The following SEPTIN7 variants were observed in gnomAD, a reference collection of about 807,000 sequenced individuals.
SEPTIN7 encodes septin 7.
Under a neutral mutation model 63.3 loss-of-function variants are expected in SEPTIN7, and 10 were observed. The ratio of observed to expected loss-of-function variants is 0.16; its 90% CI spans 0.10 to 0.27. The LOEUF (loss-of-function observed/expected upper bound fraction) is 0.27. Among genes scored for constraint, SEPTIN7 ranks in the 10% least tolerant of loss-of-function variants. The pLI, the probability that SEPTIN7 is intolerant of heterozygous loss-of-function variation, is 1.00. For missense variants in SEPTIN7, 310 were observed against 521.0 expected, an observed-to-expected ratio of 0.59 and a Z score of 3.94; for synonymous variants, 131 against 165.3, an observed-to-expected ratio of 0.79 and a Z score of 1.59.
intron 8 of SEPTIN7, among the ~76,000 whole-genome samples, chr7:35,883,308 A>C (rs1177972510): frequency 6.6e-6 from 1 of 152,108 alleles, no homozygotes; most frequent in Non-Finnish European, 1.5e-5. Context: ...GTAGGCAAAT[A>C]TCTTGGAATA....
At position 35,906,263 on chromosome 7, in the gene SEPTIN7, T is replaced by G. The variant is rs1788604332; in HGVS notation, c.*1970T>G. On this transcript the variant is annotated 3_prime_UTR_variant, in exon 14 of 14. Transcript: ENST00000350320. ...TTATTCTACCATCCTAATGAAAACTTTCAGAAGTCTTTCTTTATCCATGGC... is the reference window on the plus strand; with the variant it reads ...TTATTCTACCATCCTAATGAAAACTGTCAGAAGTCTTTCTTTATCCATGGC... 2 of 152,314 alleles carry G rather than the reference T, an allele frequency of 1.3e-5. No homozygotes were observed. Among genetic ancestry groups the G allele is most frequent in the South Asian group, 2.1e-4 (1 of 4,808 alleles). The allele number at this position is 152,314 out of a possible 1,614,324, so 9.4% of individuals were successfully genotyped here. A position where few individuals can be genotyped will look rare whatever the true frequency, so the allele number is the denominator to read the frequency against.
Position 35,873,765 on chromosome 7 carries a change from T to C in SEPTIN7, c.502T>C (p.Ser168Pro). The C allele has an allele frequency of 1.2e-6, 2 of 1,610,442 alleles. No individual in the cohort carries two copies. The highest frequency in any genetic ancestry group is 1.7e-6 in the Non-Finnish European group (2 of 1,178,822). ...VQCCLYFIAPSGHGLKPLDIE... is the reference protein window; with the variant it reads ...VQCCLYFIAPPGHGLKPLDIE... ...GTGTTGTTTATACTTCATTGCTCCT[T>C]CAGGACATGGGTCAGTACCTTGATA... Residue 168 changes from serine (S) to proline (P), a missense_variant, in exon 6 of 14, where the codon TCA (serine) becomes CCA (proline). Ser to Pro is a moderately conservative substitution (Grantham distance 74). This residue lies in a region of SEPTIN7 where 255 missense variants were observed against 490.5 expected (regional missense o/e 0.52). Transcript: ENST00000350320.
chr7:35,814,138 CTT>C (rs1298735542), intron 1 of SEPTIN7, among the ~76,000 whole-genome samples: 3 of 150,480 alleles, frequency 2.0e-5, no homozygotes, highest in African/African-American at 7.3e-5. Context: ...TTTTATTTCT[CTT>C]TGGTAAATTC....
intron 1 of SEPTIN7, among the ~76,000 whole-genome samples, chr7:35,808,432 A>C (rs1216456500): frequency 6.6e-6 from 1 of 152,192 alleles, no homozygotes. Flanking sequence ...GAGCATTCTT[A>C]TTCTTTTATA....
chr7:35,857,995 T>G (rs1439159992), intron 3 of SEPTIN7, among the ~76,000 whole-genome samples: 1 of 151,998 alleles, frequency 6.6e-6, no homozygotes, highest in Non-Finnish European at 1.5e-5. Flanking sequence ...CTGGCTGGAG[T>G]GCAGTGGTGT....
At chr7:35,903,970 G>C (rs1455207254) in intron 13 of SEPTIN7, among the ~76,000 whole-genome samples, 1 of 152,088 alleles carries the variant, frequency 6.6e-6, no homozygotes, top group Non-Finnish European at 1.5e-5. Flanking sequence ...AGTTTGTGCT[G>C]TTTCATTTGG....
rs1431108826 is a variant in SEPTIN7 at position 35,879,833 on chromosome 7, T to C, written c.523T>C (p.Leu175=). The stretch of plus-strand genomic sequence containing the variant: ...TACTGTGTATTTCAGACTTAAACCA[T>C]TGGATATTGAGTTTATGAAGCGTTT... ...IAPSGHGLKP[L]DIEFMKRLHE... is the part of the protein sequence containing the mutation. Residue 175 remains leucine, a synonymous_variant, in exon 7 of 14, where the codon TTG becomes CTG. Coordinates refer to ENST00000350320, the MANE Select transcript of SEPTIN7 (RefSeq NM_001788.6). 1 of 1,568,908 alleles carries C rather than the reference T, an allele frequency of 6.4e-7. No homozygotes were observed. The highest frequency in any genetic ancestry group is 8.7e-7 in the Non-Finnish European group (1 of 1,149,750).
At chr7:35,830,262 G>A (rs2115870946) in intron 1 of SEPTIN7, among the ~76,000 whole-genome samples, 1 of 152,272 alleles carries the variant, frequency 6.6e-6, no homozygotes, top group Non-Finnish European at 1.5e-5. Context: ...GTATGTTTGG[G>A]GGGTAGTTAG....
At chr7:35,902,503 A>G (rs998067020) in intron 12 of SEPTIN7, 3 of 152,176 alleles carry the variant, frequency 2.0e-5, no homozygotes, top group African/African-American at 7.2e-5. Flanking sequence ...ATCCCAGGTG[A>G]TTTGCATGAA....
At chr7:35,909,731 C>G (rs1343143004), downstream of SEPTIN7, among the ~76,000 whole-genome samples, 1 of 152,196 alleles carries the variant, frequency 6.6e-6, no homozygotes, top group Admixed American at 6.5e-5. Flanking sequence ...ATTTCCACCT[C>G]TTTATAAAAA....
chr7:35,804,924 T>C (rs1479821562), intron 1 of SEPTIN7, among the ~76,000 whole-genome samples: 1 of 151,460 alleles, frequency 6.6e-6, no homozygotes, highest in Non-Finnish European at 1.5e-5. Context: ...GCAACCTCTG[T>C]CTGCCTCCTG....
chr7:35,818,400 C>T (rs1789217426), intron 1 of SEPTIN7, among the ~76,000 whole-genome samples: 1 of 151,818 alleles, frequency 6.6e-6, no homozygotes, highest in Admixed American at 6.6e-5. Flanking sequence ...TTTTTCCATC[C>T]ATATAAGATA....
intron 1 of SEPTIN7, 48 bp downstream of exon 1, chr7:35,801,318 TG>T: frequency 6.6e-7 from 1 of 1,512,704 alleles, no homozygotes; most frequent in African/African-American, 1.4e-5. Flanking sequence ...CGGCTCCGAA[TG>T]CCGGGAAGCT....
At chr7:35,888,929 A>G (rs1057499567) in intron 10 of SEPTIN7, 21 of 300,056 alleles carry the variant, frequency 7.0e-5, no homozygotes, top group African/African-American at 4.4e-4. Flanking sequence ...CTGGTTCCAA[A>G]AAGTGTTTAT....
intron 6 of SEPTIN7, among the ~76,000 whole-genome samples, chr7:35,879,068 G>A (rs1346968181): frequency 6.6e-6 from 1 of 152,164 alleles, no homozygotes; most frequent in Non-Finnish European, 1.5e-5. Context: ...AGGAAGAAGA[G>A]CTTGTGAGAG....
intron 3 of SEPTIN7, among the ~76,000 whole-genome samples, chr7:35,861,294 G>A (rs1785494549): frequency 6.6e-6 from 1 of 152,032 alleles, no homozygotes; most frequent in Non-Finnish European, 1.5e-5. Context: ...ATTTCTTCAG[G>A]AATGGTTTCT....
At position 35,836,860 on chromosome 7, in the gene SEPTIN7, T is replaced by G. The variant is rs373036156; in HGVS notation, c.169+3960T>G. 3.3e-5 allele frequency among the ~76,000 whole-genome samples: 5 copies of G among 152,290 alleles called. No homozygotes were observed. In the South Asian group the frequency reaches 1.0e-3, roughly 32 times the overall value. On this transcript the variant is annotated intron_variant, in intron 3 of 13. Transcript: ENST00000350320. ...GTATTTTTAAGATATGTTAATTCCG[T>G]GAAATGTTTTGAGTTATGATTTTAA...
chr7:35,899,925 AAT>A (rs1319512093), intron 12 of SEPTIN7: 1 of 152,160 alleles, frequency 6.6e-6, no homozygotes, highest in African/African-American at 2.4e-5. Context: ...AGTAATATAA[AAT>A]AGTTTTAAAA....
At chr7:35,887,527 A>G (rs1787335566) in intron 10 of SEPTIN7, among the ~76,000 whole-genome samples, 1 of 152,184 alleles carries the variant, frequency 6.6e-6, no homozygotes, top group African/African-American at 2.4e-5. Context: ...TTGTATTTTT[A>G]GTAGAGACAG....
Sources: gnomAD v4.1 joint callset for allele counts (sites outside exome capture counted in the v4.1 genomes callset) on GRCh38, gnomAD v4.1.1 for gene constraint, gnomAD v4.1.1 regional missense constraint, MANE v1.5 for transcripts, NCBI Gene and HGNC (gene_info 2026-07-23, HGNC 2026-07-21) for gene names.